Variants in PLIN5 observed in about 807,000 individuals in gnomAD.
The protein encoded by PLIN5 is perilipin-5.
Under a neutral mutation model 32.8 loss-of-function variants are expected in PLIN5, and 34 were observed. The ratio of observed to expected loss-of-function variants is 1.04; its 90% CI spans 0.79 to 1.38. PLIN5 has a LOEUF of 1.38. Among genes scored for constraint, PLIN5 ranks in the 40% most tolerant of loss-of-function variants. PLIN5 has a pLI of 0.00. For synonymous variants in PLIN5, 309 were observed against 292.9 expected, an observed-to-expected ratio of 1.05 and a Z score of -0.56; for missense variants, 712 against 660.5, an observed-to-expected ratio of 1.08 and a Z score of -0.85.
rs779724543 is a variant in PLIN5, at chr19:4,525,033, C to T, written c.764G>A (p.Cys255Tyr). ...CCACAGCTCGTGCACCTTCCCAGGG[C>T]AGGCCGGGGCGGTGGGGGTCACCCC... ...QCGVTPTAPACPGKVHELWGE... is the reference protein window; with the variant it reads ...QCGVTPTAPAYPGKVHELWGE... The change falls in exon 7 of 8, where the codon TGC (cysteine) becomes TAC (tyrosine). Residue 255 changes from cysteine to tyrosine, a missense_variant. Cys to Tyr is a radical substitution (Grantham distance 194, BLOSUM62 -2). Transcript: ENST00000381848. The surrounding 1 kb of genome is among the most constrained non-coding windows in gnomAD (Gnocchi z 5.6). 6.9e-6 allele frequency: 10 copies of T among 1,441,884 alleles called. No individual in the cohort carries two copies. In the Admixed American group the frequency reaches 1.3e-4, roughly 19 times the overall value. 89.3% of individuals were successfully genotyped at this position (1,441,884 alleles called of 1,614,324 possible).
At chr19:4,534,219 G>T in intron 1 of PLIN5, 124 bp from the exon 2 acceptor site, 1 of 742,808 alleles carries the variant, frequency 1.3e-6, no homozygotes, top group Non-Finnish European at 2.3e-6. Flanking sequence ...GCATAATGGG[G>T]CATTCTGTGG....
At position 4,523,821 on chromosome 19, in the gene PLIN5, G is replaced by C; in HGVS notation, c.1099C>G (p.Gln367Glu). ...ACCAGCCAGGGCAGCGGCACGGCCT[G>C]CACCACCAGCTCCAGCAGCTCGTCC... is the stretch of plus-strand genomic sequence containing the variant. ...CVDELLELVVQAVPLPWLVGP... is the reference protein window; with the variant it reads ...CVDELLELVVEAVPLPWLVGP... Residue 367 changes from glutamine to glutamate, a missense_variant, in exon 8 of 8, where the codon CAG becomes GAG. Gln to Glu is a conservative substitution (Grantham distance 29, BLOSUM62 2). Coordinates refer to ENST00000381848, the MANE Select transcript of PLIN5 (RefSeq NM_001013706.3). The surrounding 1 kb of genome is among the most constrained non-coding windows in gnomAD (Gnocchi z 5.0). 6.3e-7 allele frequency: 1 copy of C among 1,592,556 alleles called. No homozygotes were observed. The highest frequency in any genetic ancestry group is 8.5e-7 in the Non-Finnish European group (1 of 1,176,796).
Position 4,531,804 on chromosome 19 carries a change from C to A in PLIN5, c.79G>T (p.Val27Leu). Residue 27 changes from valine (V) to leucine (L), a missense_variant, in exon 3 of 8, where the codon GTG becomes TTG. Val to Leu is a conservative substitution (Grantham distance 32). Transcript: ENST00000381848. ...QDQQNVVQRV[V>L]ALPLVRATCT... ...GTGGCCCTGACCAGGGGCAGAGCCA[C>A]CACACGCTGCACCACGTTCTGCGGG... The A allele has an allele frequency of 6.4e-7, 1 of 1,571,434 alleles. No homozygotes were observed. The highest frequency in any genetic ancestry group is 8.6e-7 in the Non-Finnish European group (1 of 1,158,992).
At chr19:4,534,127 T>C (rs1976920286) in intron 1 of PLIN5, 32 bp from the exon 2 acceptor site, 1 of 1,565,788 alleles carries the variant, frequency 6.4e-7, no homozygotes, top group African/African-American at 1.4e-5. Context: ...GGGGAGCACC[T>C]GCCCAGGCAT....
intron 5 of PLIN5, among the ~76,000 whole-genome samples, chr19:4,527,538 CAAAAAAAAAAA>C (rs1176219746): frequency 8.8e-4 from 26 of 29,684 alleles, no homozygotes; most frequent in South Asian, 6.3e-3. Context: ...GACTCCACTT[CAAAAAAAAAAA>C]AAAAAAAAAA....
rs772943887 is a variant in PLIN5 at position 4,524,508 on chromosome 19, C to T, written c.835-423G>A. 4.6e-5 allele frequency among the ~76,000 whole-genome samples: 7 copies of T among 152,216 alleles called. No homozygotes were observed. The South Asian group carries it at 8.3e-4, about 18-fold the overall frequency. Reference sequence around the variant, plus strand: ...CGGAGGTTGCAGTGAGCTGAGATCGCGCCACTGCACTCCAGCCTGGGCGAC... The same window carrying T: ...CGGAGGTTGCAGTGAGCTGAGATCGTGCCACTGCACTCCAGCCTGGGCGAC... On this transcript the variant is annotated intron_variant, in intron 7 of 7. Coordinates refer to ENST00000381848, the MANE Select transcript of PLIN5 (RefSeq NM_001013706.3).
In PLIN5 at chr19:4,523,266, G is replaced by T; in HGVS notation, c.*262C>A. The T allele has an allele frequency of 4.7e-6, 2 of 427,876 alleles. No individual in the cohort carries two copies. Among genetic ancestry groups the T allele is most frequent in the Non-Finnish European group, 4.1e-6 (1 of 242,546 alleles). 26.5% of individuals were successfully genotyped at this position (427,876 alleles called of 1,614,324 possible). Reference sequence around the variant, plus strand: ...ATTCGCTTCATGGAGCCAGGGAGCAGGACATAGGTGAAGAACCCAGCTTGT... The same window carrying T: ...ATTCGCTTCATGGAGCCAGGGAGCATGACATAGGTGAAGAACCCAGCTTGT... On this transcript the variant is annotated 3_prime_UTR_variant, in exon 8 of 8. Coordinates refer to ENST00000381848, the MANE Select transcript of PLIN5 (RefSeq NM_001013706.3). The surrounding 1 kb of genome is among the most constrained non-coding windows in gnomAD (Gnocchi z 5.0).
rs117658601 is a variant in PLIN5 at position 4,525,252 on chromosome 19, G to A, written c.721-176C>T. 0.017 allele frequency among the ~76,000 whole-genome samples: 2,558 copies of A among 152,238 alleles called. 24 individuals are homozygous for A. Among genetic ancestry groups the A allele is most frequent in the Non-Finnish European group, 0.024 (1,653 of 68,002 alleles). ...CCCCAAGGGAGGTGGGAGCCATAGA[G>A]GGCTGTGGGTAAAGAAGGGACAGAC... is the stretch of plus-strand genomic sequence containing the variant. On this transcript the variant is annotated intron_variant, in intron 6 of 7. Coordinates refer to ENST00000381848, the MANE Select transcript of PLIN5 (RefSeq NM_001013706.3). This position sits in a 1 kb window ranked among gnomAD's most constrained non-coding sequence, Gnocchi z 5.6.
intron 7 of PLIN5, 31 bp from the exon 8 acceptor site, chr19:4,524,116 A>G (rs539353067): frequency 2.2e-6 from 3 of 1,391,058 alleles, no homozygotes; most frequent in East Asian, 2.9e-5. Context: ...AGTTTCCCCT[A>G]TGGACGCCCA....
chr19:4,527,277 A>G (rs1209113554), intron 5 of PLIN5, among the ~76,000 whole-genome samples: 1 of 151,386 alleles, frequency 6.6e-6, no homozygotes, highest in African/African-American at 2.4e-5. Context: ...GGGTTTCACC[A>G]TTCACAGGAT....
In PLIN5 at chr19:4,529,200, G is replaced by T. The variant is rs538978472; in HGVS notation, c.393C>A (p.Asp131Glu). Reference protein sequence around the residue: ...VVASSVTGVVDLARRGRRWSV... With the variant: ...VVASSVTGVVELARRGRRWSV... ...TCCAGCGCCGGCCCCTCCGGGCCAG[G>T]TCCACCACACCCGTGACACTGCTGG... The change falls in exon 5 of 8, where the codon GAC (aspartate) becomes GAA (glutamate). Residue 131 changes from aspartate to glutamate, a missense_variant. By Grantham distance (45) the Asp-to-Glu change is conservative. Transcript: ENST00000381848. 2.8e-4 allele frequency: 459 copies of T among 1,612,606 alleles called. 7 individuals carry two copies. In the South Asian group the frequency reaches 4.6e-3, roughly 16 times the overall value.
rs1568243264 is a variant in PLIN5 at position 4,525,036 on chromosome 19, G to GC, written c.760dup (p.Ala254GlyfsTer65). 9 of 1,458,634 alleles carry GC rather than the reference G, an allele frequency of 6.2e-6. No homozygotes were observed. The East Asian group carries it at 2.5e-4, about 41-fold the overall frequency. 90.4% of individuals were successfully genotyped at this position (1,458,634 alleles called of 1,614,324 possible). On this transcript the variant is annotated frameshift_variant, in exon 7 of 8. Coordinates refer to ENST00000381848, the MANE Select transcript of PLIN5 (RefSeq NM_001013706.3). LOFTEE classifies it high-confidence loss of function. The surrounding 1 kb of genome is among the most constrained non-coding windows in gnomAD (Gnocchi z 5.6). ...CAGCTCGTGCACCTTCCCAGGGCAG[G>GC]CCGGGGCGGTGGGGGTCACCCCACA...
chr19:4,526,382 C>T (rs567994465), intron 5 of PLIN5, among the ~76,000 whole-genome samples: 52 of 152,210 alleles, frequency 3.4e-4, no homozygotes, highest in African/African-American at 1.1e-3. Flanking sequence ...CCACCACACC[C>T]GATTAAGTTT....
chr19:4,530,976 CA>C (rs2145328796), intron 3 of PLIN5, among the ~76,000 whole-genome samples: 1 of 151,356 alleles, frequency 6.6e-6, no homozygotes, highest in African/African-American at 2.4e-5. Flanking sequence ...CCGCACCTAT[CA>C]GGGGATCAGT....
In PLIN5 at chr19:4,525,365, T is replaced by C. The variant is rs945393687; in HGVS notation, c.720+268A>G. On this transcript the variant is annotated intron_variant, in intron 6 of 7. Transcript: ENST00000381848. The surrounding 1 kb of genome is among the most constrained non-coding windows in gnomAD (Gnocchi z 5.6). ...GGAGGATTCTGATGAGGAGGAAGGC[T>C]CTCTTCTGACCTACCCTAACTTGCT... is the stretch of plus-strand genomic sequence containing the variant. Among the ~76,000 whole-genome samples the C allele has an allele frequency of 3.9e-5, 6 of 151,906 alleles. No homozygotes were observed. The highest frequency in any genetic ancestry group is 3.9e-4 in the East Asian group (2 of 5,172).
At chr19:4,526,304 C>T (rs1976802991) in intron 5 of PLIN5, among the ~76,000 whole-genome samples, 1 of 152,142 alleles carries the variant, frequency 6.6e-6, no homozygotes, top group African/African-American at 2.4e-5. Flanking sequence ...TCACTGCAAC[C>T]TCTGCCTCCC....
chr19:4,525,785 C>T lies in PLIN5; in HGVS notation c.568G>A (p.Asp190Asn), dbSNP rs770855904. 4.3e-6 allele frequency: 7 copies of T among 1,613,180 alleles called. No homozygotes were observed. Among genetic ancestry groups the T allele is most frequent in the Non-Finnish European group, 5.9e-6 (7 of 1,179,930 alleles). The stretch of plus-strand genomic sequence containing the variant: ...AAGTAGCCCTGCTGTCTCCTCTGAT[C>T]CTCCACCGAACCCACTTCAGGGCCT... ...AEGPEVGSVE[D>N]QRRQQGYFVR... Residue 190 changes from aspartate (D) to asparagine (N), a missense_variant, in exon 6 of 8, where the codon GAT becomes AAT. Transcript: ENST00000381848. This position sits in a 1 kb window ranked among gnomAD's most constrained non-coding sequence, Gnocchi z 5.6.
In PLIN5 at chr19:4,522,688, T is replaced by A. The variant is rs1292243414; in HGVS notation, c.*840A>T. 1 of 152,166 alleles carries A rather than the reference T, an allele frequency of 6.6e-6. No individual in the cohort carries two copies. The highest frequency in any genetic ancestry group is 1.5e-5 in the Non-Finnish European group (1 of 68,040). The allele number at this position is 152,166 out of a possible 1,614,324, so 9.4% of individuals were successfully genotyped here. A position where few individuals can be genotyped will look rare whatever the true frequency, so the allele number is the denominator to read the frequency against. On this transcript the variant is annotated 3_prime_UTR_variant, in exon 8 of 8. Coordinates refer to ENST00000381848, the MANE Select transcript of PLIN5 (RefSeq NM_001013706.3). ...GTGTGTTTCCCTAGGAAGTATTTTT[T>A]AAAAACATTTTTGAGATAGAGTCTT...
At chr19:4,530,711 C>T (rs191018746) in intron 3 of PLIN5, among the ~76,000 whole-genome samples, 42 of 152,302 alleles carry the variant, frequency 2.8e-4, no homozygotes, top group Non-Finnish European at 5.4e-4. Flanking sequence ...CTAGCTCTGT[C>T]ACCCAGGCTG....
Sources: allele counts gnomAD v4.1 joint callset (sites outside exome capture counted in the v4.1 genomes callset), GRCh38; gene constraint gnomAD v4.1.1; non-coding constraint Gnocchi (gnomAD v3.1); transcripts MANE v1.5; gene names NCBI Gene and HGNC (gene_info 2026-07-23, HGNC 2026-07-21).